WWC2: variants seen among roughly 807,000 people sequenced by gnomAD.
WWC2 encodes WW and C2 domain containing 2, also known as protein WWC2.
Under a neutral mutation model 138.5 loss-of-function variants are expected in WWC2, and 101 were observed. That is an observed-to-expected ratio of 0.73 (90% CI 0.62 to 0.86). The LOEUF (loss-of-function observed/expected upper bound fraction) is 0.86, where lower values mean the gene tolerates loss of function less well. Among genes scored for constraint, WWC2 ranks in the 40% least tolerant of loss-of-function variants. The pLI is 0.00. For synonymous variants in WWC2, 558 were observed against 538.4 expected (o/e 1.04, Z -0.50); for missense variants, 1,420 against 1,419.4 (o/e 1.00, Z -0.01).
At chr4:183,260,485 A>T (rs1737288240) in intron 10 of WWC2, among the ~76,000 whole-genome samples, 1 of 152,202 alleles carries the variant, frequency 6.6e-6, no homozygotes, top group Non-Finnish European at 1.5e-5. Flanking sequence ...GTCCCGTAAG[A>T]TTGTAATACT....
chr4:183,140,998 A>T (rs1421239354), intron 1 of WWC2, among the ~76,000 whole-genome samples: 1 of 152,184 alleles, frequency 6.6e-6, no homozygotes, highest in Non-Finnish European at 1.5e-5. Flanking sequence ...TTGTGCTCTG[A>T]ATAAGTGTAG....
At chr4:183,230,815 TAA>T (rs968499653) in intron 4 of WWC2, among the ~76,000 whole-genome samples, 1 of 151,690 alleles carries the variant, frequency 6.6e-6, no homozygotes, top group African/African-American at 2.4e-5. Context: ...AATGAGCAAA[TAA>T]AAAAGTACAG....
chr4:183,118,082 G>A (rs963890312), intron 1 of WWC2, among the ~76,000 whole-genome samples: 3 of 152,216 alleles, frequency 2.0e-5, no homozygotes, highest in Non-Finnish European at 2.9e-5. Flanking sequence ...ACAGGAGTGA[G>A]CCACTGCGCC....
At position 183,102,236 on chromosome 4, in the gene WWC2, ATCT is replaced by A. The variant is rs150775745; in HGVS notation, c.131+2620_131+2622del. 5.6e-3 allele frequency among the ~76,000 whole-genome samples: 852 copies of A among 152,228 alleles called. 5 individuals are homozygous for A. The highest frequency in any genetic ancestry group is 0.011 in the South Asian group (51 of 4,828). On this transcript the variant is annotated intron_variant, in intron 1 of 22. Transcript: ENST00000403733. ...TCAGCTCTAAAATGAGGATAATATC[ATCT>A]TCTTCATAGGGGTGTTTGTGGGCTC...
chr4:183,200,557 C>T (rs1357838723), intron 2 of WWC2, among the ~76,000 whole-genome samples: 2 of 152,198 alleles, frequency 1.3e-5, no homozygotes, highest in Non-Finnish European at 1.5e-5. Flanking sequence ...TACTCTGGCT[C>T]AAGGTCTCTG....
chr4:183,280,620 T>C (rs144390094), intron 16 of WWC2, among the ~76,000 whole-genome samples, 156 bp from the exon 17 acceptor site: 1 of 152,174 alleles, frequency 6.6e-6, no homozygotes, highest in African/African-American at 2.4e-5. Flanking sequence ...GAGGTTTTGC[T>C]TGTTTTGGGT....
intron 21 of WWC2, among the ~76,000 whole-genome samples, chr4:183,304,353 A>G (rs990651125): frequency 2.6e-5 from 4 of 152,142 alleles, no homozygotes; most frequent in Non-Finnish European, 4.4e-5. Context: ...AAACTGCAGG[A>G]GTACCCAGTC....
At chr4:183,124,536 C>CTTTTTTTTTTTTTTTTTTTTT (rs370409813) in intron 1 of WWC2, among the ~76,000 whole-genome samples, 13 of 122,804 alleles carry the variant, frequency 1.1e-4, no homozygotes, top group African/African-American at 4.0e-4. Flanking sequence ...TCCTTTTTCT[C>CTTTTTTTTTTTTTTTTTTTTT]TTTTTTTTTT....
At chr4:183,199,222 C>T (rs1735231127) in intron 2 of WWC2, among the ~76,000 whole-genome samples, 1 of 152,116 alleles carries the variant, frequency 6.6e-6, no homozygotes, top group Admixed American at 6.6e-5. Context: ...CAGCTGAAGG[C>T]TGGTGTGACT....
At chr4:183,127,399 C>A (rs1732793758) in intron 1 of WWC2, among the ~76,000 whole-genome samples, 1 of 152,026 alleles carries the variant, frequency 6.6e-6, no homozygotes, top group Non-Finnish European at 1.5e-5. Context: ...AAAAATATTG[C>A]TTGATATCAC....
intron 17 of WWC2, 161 bp downstream of exon 17, chr4:183,281,058 G>A (rs1320650437): frequency 9.6e-7 from 1 of 1,036,866 alleles, no homozygotes; most frequent in African/African-American, 1.7e-5. Context: ...TCATTAGAGA[G>A]TTAAGGAAGT....
At chr4:183,211,734 G>A (rs2111246745) in intron 4 of WWC2, among the ~76,000 whole-genome samples, 1 of 152,172 alleles carries the variant, frequency 6.6e-6, no homozygotes, top group Admixed American at 6.5e-5. Flanking sequence ...CATGCTCCCA[G>A]CCTTTCACTT....
chr4:183,160,373 C>T (rs192985974), intron 1 of WWC2, among the ~76,000 whole-genome samples: 9 of 152,100 alleles, frequency 5.9e-5, no homozygotes, highest in East Asian at 3.9e-4. Flanking sequence ...GATAAATGCT[C>T]GAAGTGAAAT....
At chr4:183,147,290 G>T (rs545249327) in intron 1 of WWC2, among the ~76,000 whole-genome samples, 1 of 152,298 alleles carries the variant, frequency 6.6e-6, no homozygotes, top group African/African-American at 2.4e-5. Context: ...TATTTTCTAT[G>T]AGGCTGTGGC....
intron 21 of WWC2, among the ~76,000 whole-genome samples, chr4:183,310,796 A>G (rs530688030): frequency 2.0e-5 from 3 of 148,448 alleles, no homozygotes; most frequent in African/African-American, 7.5e-5. Context: ...GTTCACAACT[A>G]TAACCCTGCC....
At position 183,207,991 on chromosome 4, in the gene WWC2, G is replaced by T; in HGVS notation, c.280G>T (p.Gly94Trp). 6.2e-7 allele frequency: 1 copy of T among 1,613,116 alleles called. No individual in the cohort carries two copies. ...AGAAGATCCAAGAAAACAATGGAGGGGGGAACAGGAGAAGATGCTCAAGGA... is the reference window on the plus strand; with the variant it reads ...AGAAGATCCAAGAAAACAATGGAGGTGGGAACAGGAGAAGATGCTCAAGGA... ...QIEDPRKQWR[G>W]EQEKMLKDYL... Residue 94 changes from glycine to tryptophan, a missense_variant, in exon 3 of 23, where the codon GGG becomes TGG. Physicochemically the swap from Gly to Trp is radical, Grantham distance 184 (BLOSUM62 -2). Coordinates refer to ENST00000403733, the MANE Select transcript of WWC2 (RefSeq NM_024949.6).
At chr4:183,125,508 G>T (rs1230322226) in intron 1 of WWC2, among the ~76,000 whole-genome samples, 1 of 152,200 alleles carries the variant, frequency 6.6e-6, no homozygotes, top group Non-Finnish European at 1.5e-5. Flanking sequence ...TAAGCCAGTT[G>T]TGTACGTGTT....
chr4:183,289,666 G>T (rs375375321), intron 21 of WWC2, 31 bp downstream of exon 21: 2 of 1,604,364 alleles, frequency 1.2e-6, no homozygotes, highest in African/African-American at 2.7e-5. Context: ...CATCTCGGAG[G>T]GGCTTACATC....
intron 21 of WWC2, among the ~76,000 whole-genome samples, chr4:183,299,094 C>A (rs988146314): frequency 6.6e-6 from 1 of 152,064 alleles, no homozygotes. Flanking sequence ...GCTGGAAAGT[C>A]CAAGATCCAG....
Sources: allele counts gnomAD v4.1 joint callset (sites outside exome capture counted in the v4.1 genomes callset), GRCh38; gene constraint gnomAD v4.1.1; transcripts MANE v1.5; gene names NCBI Gene and HGNC (gene_info 2026-07-23, HGNC 2026-07-21).